The following ENPP1 variants were observed in gnomAD, a reference collection of about 807,000 sequenced individuals.
ENPP1 encodes ectonucleotide pyrophosphatase/phosphodiesterase family member 1.
ENPP1 carries 73 observed loss-of-function variants against 122.8 expected under a neutral mutation model. That is an observed-to-expected ratio of 0.59 (90% CI 0.49 to 0.72). ENPP1 has a LOEUF of 0.72. Ranked by LOEUF, ENPP1 falls within the 30% of genes least tolerant of loss-of-function variation. ENPP1 has a pLI of 0.00. For synonymous variants in ENPP1, 367 were observed against 391.6 expected (o/e 0.94, Z 0.74); for missense variants, 978 against 1,128.1 (o/e 0.87, Z 1.91).
chr6:131,878,121 A>G (rs569214267), intron 18 of ENPP1, among the ~76,000 whole-genome samples: 4 of 151,852 alleles, frequency 2.6e-5, no homozygotes, highest in Non-Finnish European at 4.4e-5. Context: ...CTGTCCAGGC[A>G]TGGTGTACCA....
At chr6:131,808,707 G>A (rs1781312716) in intron 1 of ENPP1, among the ~76,000 whole-genome samples, 1 of 152,244 alleles carries the variant, frequency 6.6e-6, no homozygotes, top group Non-Finnish European at 1.5e-5. Flanking sequence ...GATTGCAGTT[G>A]AAGAGTTAGC....
At chr6:131,827,109 A>G in intron 1 of ENPP1, 1 of 693,306 alleles carries the variant, frequency 1.4e-6, no homozygotes, top group South Asian at 1.4e-5. Flanking sequence ...GGTGAACTCA[A>G]AGACATTTGT....
chr6:131,814,201 C>T (rs981388953), intron 1 of ENPP1, among the ~76,000 whole-genome samples: 1 of 152,150 alleles, frequency 6.6e-6, no homozygotes, highest in African/African-American at 2.4e-5. Flanking sequence ...AATCCCAGAA[C>T]TTTGGGAGGC....
chr6:131,854,078 T>C lies in ENPP1; in HGVS notation c.618-848T>C, dbSNP rs182257254. ...CTCTCAAACTTTTGTATTAAGTATT[T>C]ATATCTTTTAAATATATTAAGCCTA... is the stretch of plus-strand genomic sequence containing the variant. On this transcript the variant is annotated intron_variant, in intron 5 of 24. Transcript: ENST00000647893. Among the ~76,000 whole-genome samples, 129 of 152,310 alleles carry C rather than the reference T, an allele frequency of 8.5e-4. 1 individual carries two copies. The highest frequency in any genetic ancestry group is 3.0e-3 in the African/African-American group (123 of 41,558).
At chr6:131,863,919 AAAAC>A (rs926435031) in intron 9 of ENPP1, among the ~76,000 whole-genome samples, 3 of 152,104 alleles carry the variant, frequency 2.0e-5, no homozygotes, top group Non-Finnish European at 4.4e-5. Flanking sequence ...TGTCTCAAAA[AAAAC>A]AAAGAAGAGT....
intron 1 of ENPP1, among the ~76,000 whole-genome samples, chr6:131,814,260 A>T (rs992414128): frequency 1.3e-5 from 2 of 152,220 alleles, no homozygotes; most frequent in Non-Finnish European, 2.9e-5. Context: ...CTACCTGGGC[A>T]ACAGAGTGAG....
intron 1 of ENPP1, among the ~76,000 whole-genome samples, chr6:131,821,701 G>A (rs1781486080): frequency 1.3e-5 from 2 of 152,132 alleles, no homozygotes; most frequent in African/African-American, 4.8e-5. Context: ...ACATTCAGAT[G>A]TTTTTCCAAT....
At chr6:131,847,697 C>A in intron 1 of ENPP1, 79 bp from the exon 2 acceptor site, 7 of 1,006,540 alleles carry the variant, frequency 7.0e-6, no homozygotes, top group African/African-American at 1.6e-5. Flanking sequence ...CAGAGTAAGA[C>A]ACTATCTCTA....
chr6:131,832,952 A>G (rs1305320714), intron 1 of ENPP1, among the ~76,000 whole-genome samples: 1 of 152,216 alleles, frequency 6.6e-6, no homozygotes, highest in Non-Finnish European at 1.5e-5. Context: ...ACCAAATTAT[A>G]TTTGCTCCAT....
intron 16 of ENPP1, among the ~76,000 whole-genome samples, chr6:131,875,416 T>C (rs189045785): frequency 2.0e-5 from 3 of 152,232 alleles, no homozygotes; most frequent in East Asian, 3.9e-4. Flanking sequence ...CCCAGCACTT[T>C]AACATTTTCA....
intron 21 of ENPP1, 42 bp downstream of exon 21, chr6:131,882,516 GT>G: frequency 6.6e-7 from 1 of 1,511,744 alleles, no homozygotes; most frequent in Non-Finnish European, 9.0e-7. Flanking sequence ...TCTCCTTTTT[GT>G]TTTCTTTCTT....
chr6:131,874,777 G>A (rs563894243), intron 16 of ENPP1, among the ~76,000 whole-genome samples: 1 of 151,862 alleles, frequency 6.6e-6, no homozygotes, highest in South Asian at 2.1e-4. Context: ...AAGTAGTCAT[G>A]GAATCAACCT....
chr6:131,886,770 A>G, intron 24 of ENPP1, 46 bp downstream of exon 24: 2 of 1,552,760 alleles, frequency 1.3e-6, no homozygotes, highest in Admixed American at 1.7e-5. Context: ...AAATCTAGAC[A>G]TATGCATATT....
rs571582960 is a variant in ENPP1 at position 131,894,252 on chromosome 6, C to G, written c.*3741C>G. The G allele has an allele frequency of 1.3e-5, 2 of 151,786 alleles. No homozygotes were observed. The highest frequency in any genetic ancestry group is 4.9e-5 in the African/African-American group (2 of 41,180). The allele number at this position is 151,786 out of a possible 1,614,324, so 9.4% of individuals were successfully genotyped here. A position where few individuals can be genotyped will look rare whatever the true frequency, so the allele number is the denominator to read the frequency against. ...TACAGGCTCGAGCCACTGCCTCCAG[C>G]CTATCCTGATTTCTACTGTCATGCC... On this transcript the variant is annotated 3_prime_UTR_variant, in exon 25 of 25. Coordinates refer to ENST00000647893, the MANE Select transcript of ENPP1 (RefSeq NM_006208.3).
At chr6:131,863,171 A>G (rs1190684972) in intron 9 of ENPP1, among the ~76,000 whole-genome samples, 1 of 152,218 alleles carries the variant, frequency 6.6e-6, no homozygotes, top group African/African-American at 2.4e-5. Context: ...ACAGATAGGA[A>G]TGATCTCTGC....
At chr6:131,840,354 C>CA (rs1254267839) in intron 1 of ENPP1, among the ~76,000 whole-genome samples, 5 of 151,770 alleles carry the variant, frequency 3.3e-5, no homozygotes, top group African/African-American at 1.2e-4. Flanking sequence ...AGAACTAAAA[C>CA]AAAAAAAGGA....
rs1279333192 is a variant in ENPP1, at chr6:131,828,236, T to C, written c.241-19540T>C. 7.2e-6 allele frequency: 4 copies of C among 557,636 alleles called. No individual in the cohort carries two copies. In the East Asian group the frequency reaches 1.9e-4, roughly 27 times the overall value. 34.5% of individuals were successfully genotyped at this position (557,636 alleles called of 1,614,324 possible). A position where few individuals can be genotyped will look rare whatever the true frequency, so the allele number is the denominator to read the frequency against. On this transcript the variant is annotated intron_variant, in intron 1 of 24. Coordinates refer to ENST00000647893, the MANE Select transcript of ENPP1 (RefSeq NM_006208.3). ...AAGGCATGGTGCAATGATTGTCAAA[T>C]TCCACTTTGTAAGAAGACAGCACAG... is the stretch of plus-strand genomic sequence containing the variant.
chr6:131,863,543 T>C (rs1263062675), intron 9 of ENPP1, among the ~76,000 whole-genome samples: 1 of 152,120 alleles, frequency 6.6e-6, no homozygotes, highest in East Asian at 1.9e-4. Context: ...TAGTGTTCTT[T>C]ATGGTTCCCA....
chr6:131,830,887 G>C (rs1427542059), intron 1 of ENPP1, among the ~76,000 whole-genome samples: 2 of 151,922 alleles, frequency 1.3e-5, no homozygotes, highest in Admixed American at 1.3e-4. Context: ...GAGGTGGGTG[G>C]ATTGCTTGAG....
Sources: gnomAD v4.1 joint callset for allele counts (sites outside exome capture counted in the v4.1 genomes callset) on GRCh38, gnomAD v4.1.1 for gene constraint, MANE v1.5 for transcripts, NCBI Gene and HGNC (gene_info 2026-07-23, HGNC 2026-07-21) for gene names.